Variants in CCDC85C observed in about 807,000 individuals in gnomAD.
The protein encoded by CCDC85C is coiled-coil domain-containing protein 85C.
A neutral mutation model predicts 38.3 loss-of-function variants in CCDC85C; 18 were observed. That is an observed-to-expected ratio of 0.47 (90% CI 0.33 to 0.70). The LOEUF (loss-of-function observed/expected upper bound fraction) is 0.70. Ranked by LOEUF, CCDC85C falls within the 30% of genes least tolerant of loss-of-function variation. The pLI is 0.03. For missense variants in CCDC85C, 566 were observed against 621.2 expected, an observed-to-expected ratio of 0.91 and a Z score of 0.94; for synonymous variants, 264 against 293.8, an observed-to-expected ratio of 0.90 and a Z score of 1.04.
At chr14:99,540,892 G>GT (rs1897699709) in intron 1 of CCDC85C, among the ~76,000 whole-genome samples, 1 of 152,166 alleles carries the variant, frequency 6.6e-6, no homozygotes, top group Admixed American at 6.5e-5. Context: ...GCGCTGTGCC[G>GT]GCTCCATCCC....
At position 99,553,032 on chromosome 14, in the gene CCDC85C, C is replaced by T. The variant is rs190670967; in HGVS notation, c.794-16944G>A. Reference sequence around the variant, plus strand: ...GGACCCTAGGCTTCCCCTAGCAGTGCCGGATAGAAGGGAGGAGAGGCCTGG... The same window carrying T: ...GGACCCTAGGCTTCCCCTAGCAGTGTCGGATAGAAGGGAGGAGAGGCCTGG... On this transcript the variant is annotated intron_variant, in intron 1 of 5. Transcript: ENST00000380243. Among the ~76,000 whole-genome samples the T allele has an allele frequency of 3.2e-3, 494 of 152,314 alleles. 3 individuals are homozygous for T. Among genetic ancestry groups the T allele is most frequent in the Non-Finnish European group, 5.5e-3 (373 of 68,012 alleles).
At position 99,512,360 on chromosome 14, in the gene CCDC85C, A is replaced by G. The variant is rs1413076303; in HGVS notation, c.*2886T>C. On this transcript the variant is annotated 3_prime_UTR_variant, in exon 6 of 6. Coordinates refer to ENST00000380243, the MANE Select transcript of CCDC85C (RefSeq NM_001144995.2). ...CCAGTCCATCTCCAAAAAGCAGCAC[A>G]AATACTTTGCCCCACAGTATGAAAA... The G allele has an allele frequency of 2.0e-5, 3 of 152,074 alleles. No individual in the cohort carries two copies. Among genetic ancestry groups the G allele is most frequent in the Non-Finnish European group, 4.4e-5 (3 of 68,020 alleles). 9.4% of individuals were successfully genotyped at this position (152,074 alleles called of 1,614,324 possible).
chr14:99,551,603 T>C lies in CCDC85C; in HGVS notation c.794-15515A>G, dbSNP rs1897910389. 1.3e-4 allele frequency among the ~76,000 whole-genome samples: 17 copies of C among 126,212 alleles called. No homozygotes were observed. In the Admixed American group the frequency reaches 1.4e-3, roughly 10 times the overall value. 82.8% of individuals were successfully genotyped at this position (126,212 alleles called of 152,430 possible). On this transcript the variant is annotated intron_variant, in intron 1 of 5. Transcript: ENST00000380243. ...TGAGCAGGTGGGTGAGAGGTGAGTG[T>C]GCAGGTGGGTGAGCAGTTGAGTGTG...
At chr14:99,589,474 T>A (rs945383239) in intron 1 of CCDC85C, among the ~76,000 whole-genome samples, 2 of 152,166 alleles carry the variant, frequency 1.3e-5, no homozygotes, top group Non-Finnish European at 2.9e-5. Context: ...TGCATTCAGT[T>A]GATCTATTTT....
In CCDC85C at chr14:99,510,392, G is replaced by T. The variant is rs1247158712; in HGVS notation, c.*4854C>A. On this transcript the variant is annotated 3_prime_UTR_variant, in exon 6 of 6. Transcript: ENST00000380243. ...GCTACCAGAGCCTGCAGTCCATGATGAAGACCGAGGGACCCTCCTACGGTG... is the reference window on the plus strand; with the variant it reads ...GCTACCAGAGCCTGCAGTCCATGATTAAGACCGAGGGACCCTCCTACGGTG... The T allele has an allele frequency of 6.4e-7, 1 of 1,565,096 alleles. No homozygotes were observed. Among genetic ancestry groups the T allele is most frequent in the East Asian group, 2.4e-5 (1 of 42,352 alleles).
intron 2 of CCDC85C, among the ~76,000 whole-genome samples, chr14:99,534,342 G>A (rs2139916189): frequency 6.6e-6 from 1 of 150,896 alleles, no homozygotes; most frequent in South Asian, 2.1e-4. Context: ...GGCAACAAGA[G>A]CTAAATTCCA....
rs2139953416 is a variant in CCDC85C, at chr14:99,564,398, T to C, written c.794-28310A>G. On this transcript the variant is annotated intron_variant, in intron 1 of 5. Coordinates refer to ENST00000380243, the MANE Select transcript of CCDC85C (RefSeq NM_001144995.2). ...CCCCAGGACATGCCCCATATGCCTG[T>C]GCCCACCTTGCAGCATGTTAGGGTT... Among the ~76,000 whole-genome samples, 3 of 152,332 alleles carry C rather than the reference T, an allele frequency of 2.0e-5. No homozygotes were observed. The South Asian group carries it at 6.2e-4, about 32-fold the overall frequency.
At position 99,514,944 on chromosome 14, in the gene CCDC85C, T is replaced by G. The variant is rs968376024; in HGVS notation, c.*302A>C. 3.3e-5 allele frequency: 10 copies of G among 305,126 alleles called. No homozygotes were observed. In the South Asian group the frequency reaches 3.5e-4, roughly 11 times the overall value. The allele number at this position is 305,126 out of a possible 1,614,324, so 18.9% of individuals were successfully genotyped here. On this transcript the variant is annotated 3_prime_UTR_variant, in exon 6 of 6. Coordinates refer to ENST00000380243, the MANE Select transcript of CCDC85C (RefSeq NM_001144995.2). ...CCCAGGCTGGATCTCAGAAGCAGCC[T>G]GCAGCCTCTTGCTCATGGAGCCCAG...
chr14:99,500,540 T>G lies in CCDC85C; in HGVS notation c.*14706A>C, dbSNP rs1246683589. 2.2e-6 allele frequency: 1 copy of G among 463,610 alleles called. No homozygotes were observed. Among genetic ancestry groups the G allele is most frequent in the Non-Finnish European group, 3.8e-6 (1 of 263,984 alleles). 28.7% of individuals were successfully genotyped at this position (463,610 alleles called of 1,614,324 possible). A position where few individuals can be genotyped will look rare whatever the true frequency, so the allele number is the denominator to read the frequency against. On this transcript the variant is annotated 3_prime_UTR_variant, in exon 6 of 6. Coordinates refer to ENST00000380243, the MANE Select transcript of CCDC85C (RefSeq NM_001144995.2). ...TTTAAGGATCTTTTGTTTTCAGTAT[T>G]TTTTTTTACATTACACCTCTGCTTT...
intron 1 of CCDC85C, among the ~76,000 whole-genome samples, chr14:99,549,685 G>A (rs1201702424): frequency 6.6e-6 from 1 of 152,238 alleles, no homozygotes; most frequent in East Asian, 1.9e-4. Flanking sequence ...CCGGTTAGAA[G>A]CGAGATAGAC....
At chr14:99,559,945 G>C (rs1214264410) in intron 1 of CCDC85C, among the ~76,000 whole-genome samples, 1 of 151,790 alleles carries the variant, frequency 6.6e-6, no homozygotes, top group Non-Finnish European at 1.5e-5. Context: ...ATGGGTCTGG[G>C]TTTTTCTTCT....
chr14:99,538,038 A>G (rs1897639288), intron 1 of CCDC85C, among the ~76,000 whole-genome samples: 2 of 152,176 alleles, frequency 1.3e-5, no homozygotes, highest in Admixed American at 6.5e-5. Context: ...AGAACGCACC[A>G]ATGACTATGG....
At chr14:99,581,698 C>T (rs2054972041) in intron 1 of CCDC85C, among the ~76,000 whole-genome samples, 1 of 152,190 alleles carries the variant, frequency 6.6e-6, no homozygotes, top group African/African-American at 2.4e-5. Context: ...AACAACCTGG[C>T]AGTGGGACCT....
At chr14:99,546,267 C>T (rs956208413) in intron 1 of CCDC85C, among the ~76,000 whole-genome samples, 3 of 151,838 alleles carry the variant, frequency 2.0e-5, no homozygotes, top group African/African-American at 4.8e-5. Flanking sequence ...AGCTCTGCCC[C>T]GGAGCCTGCT....
At chr14:99,571,595 A>G (rs1898345199) in intron 1 of CCDC85C, among the ~76,000 whole-genome samples, 1 of 152,236 alleles carries the variant, frequency 6.6e-6, no homozygotes, top group Non-Finnish European at 1.5e-5. Flanking sequence ...TGGAAAGATC[A>G]AACACAGTCA....
At position 99,545,674 on chromosome 14, in the gene CCDC85C, C is replaced by T. The variant is rs925058124; in HGVS notation, c.794-9586G>A. On this transcript the variant is annotated intron_variant, in intron 1 of 5. Coordinates refer to ENST00000380243, the MANE Select transcript of CCDC85C (RefSeq NM_001144995.2). This position sits in a 1 kb window ranked among gnomAD's most constrained non-coding sequence, Gnocchi z 4.7. Reference sequence around the variant, plus strand: ...GTGATAGATCTGGACTGTGTGCAGACATCAGCTAGTCCCGCCGGGGAGAGA... The same window carrying T: ...GTGATAGATCTGGACTGTGTGCAGATATCAGCTAGTCCCGCCGGGGAGAGA... Among the ~76,000 whole-genome samples, 6 of 152,110 alleles carry T rather than the reference C, an allele frequency of 3.9e-5. No individual in the cohort carries two copies. Among genetic ancestry groups the T allele is most frequent in the African/African-American group, 1.4e-4 (6 of 41,408 alleles).
chr14:99,519,138 G>C (rs1897270629), intron 3 of CCDC85C, among the ~76,000 whole-genome samples: 1 of 123,614 alleles, frequency 8.1e-6, no homozygotes. Flanking sequence ...TTTTGAGTGA[G>C]AGGATCTCAC....
rs937940842 is a variant in CCDC85C, at chr14:99,558,986, G to A, written c.794-22898C>T. 5.3e-5 allele frequency among the ~76,000 whole-genome samples: 8 copies of A among 151,894 alleles called. No homozygotes were observed. The highest frequency in any genetic ancestry group is 7.4e-5 in the Non-Finnish European group (5 of 67,968). ...TGTTTAAAGTGTGTGGCTCCTCCCC[G>A]CACTCTACTCCCCTCTTTCTCCTGC... On this transcript the variant is annotated intron_variant, in intron 1 of 5. Coordinates refer to ENST00000380243, the MANE Select transcript of CCDC85C (RefSeq NM_001144995.2). This position sits in a 1 kb window ranked among gnomAD's most constrained non-coding sequence, Gnocchi z 4.2.
At chr14:99,537,795 C>T (rs952745357) in intron 1 of CCDC85C, among the ~76,000 whole-genome samples, 4 of 152,066 alleles carry the variant, frequency 2.6e-5, no homozygotes, top group Non-Finnish European at 5.9e-5. Flanking sequence ...TCAACCCCGA[C>T]AAACAGTTCC....
Sources: gnomAD v4.1 joint callset for allele counts (sites outside exome capture counted in the v4.1 genomes callset) on GRCh38, gnomAD v4.1.1 for gene constraint, Gnocchi (gnomAD v3.1) non-coding constraint, MANE v1.5 for transcripts, NCBI Gene and HGNC (gene_info 2026-07-23, HGNC 2026-07-21) for gene names.